The following WDR64 variants were observed in gnomAD, a reference collection of about 807,000 sequenced individuals.
The protein encoded by WDR64 is WD repeat domain 64.
In WDR64, 112 loss-of-function variants were observed where a neutral mutation model predicts 139.3. The ratio of observed to expected loss-of-function variants is 0.80; its 90% CI spans 0.69 to 0.94. WDR64 has a LOEUF of 0.94. WDR64 is among the 40% of genes least tolerant of loss of function. The pLI is 0.00. For missense variants in WDR64, 1,206 were observed against 1,293.1 expected, an observed-to-expected ratio of 0.93 and a Z score of 1.03; for synonymous variants, 444 against 437.7, an observed-to-expected ratio of 1.01 and a Z score of -0.18.
At chr1:241,790,462 C>T in intron 24 of WDR64, 129 bp from the exon 25 acceptor site, 2 of 694,938 alleles carry the variant, frequency 2.9e-6, no homozygotes, top group Middle Eastern at 5.2e-4. Context: ...TGTAGAGATA[C>T]TGTCATTGGG....
In WDR64 at chr1:241,678,860, G is replaced by GAAAA. The variant is rs58075238; in HGVS notation, c.514-601_514-598dup. On this transcript the variant is annotated intron_variant, in intron 5 of 27. Coordinates refer to ENST00000437684, the MANE Select transcript of WDR64 (RefSeq NM_001367482.1). ...CTTCTGAACCTCCATTTCTTAAACT[G>GAAAA]AAAAAAAAAAAAAAAAAAAAAAAAA... 6.8e-4 allele frequency among the ~76,000 whole-genome samples: 23 copies of GAAAA among 33,624 alleles called. 5 individuals are homozygous for GAAAA. The highest frequency in any genetic ancestry group is 2.6e-3 in the African/African-American group (21 of 8,132). 22.1% of individuals were successfully genotyped at this position (33,624 alleles called of 152,430 possible).
At chr1:241,711,988 C>T (rs1668189154) in intron 9 of WDR64, 107 bp downstream of exon 9, 1 of 1,031,158 alleles carries the variant, frequency 9.7e-7, no homozygotes, top group Middle Eastern at 2.1e-4. Flanking sequence ...AAATTTGTAT[C>T]AAGTCAAATC....
chr1:241,779,190 CA>C (rs1391429906), intron 21 of WDR64, among the ~76,000 whole-genome samples: 3 of 152,098 alleles, frequency 2.0e-5, no homozygotes, highest in African/African-American at 7.2e-5. Flanking sequence ...TATTTCACTC[CA>C]CTCTTCTTGC....
In WDR64 at chr1:241,787,912, A is replaced by C; in HGVS notation, c.2769A>C (p.Leu923Phe). 1 of 1,612,958 alleles carries C rather than the reference A, an allele frequency of 6.2e-7. No individual in the cohort carries two copies. The highest frequency in any genetic ancestry group is 1.1e-5 in the South Asian group (1 of 90,788). Residue 923 changes from leucine (L) to phenylalanine (F), a missense_variant, in exon 24 of 28, where the codon TTA (leucine) becomes TTC (phenylalanine). Coordinates refer to ENST00000437684, the MANE Select transcript of WDR64 (RefSeq NM_001367482.1). The stretch of plus-strand genomic sequence containing the variant: ...TTGGACAGCGAAGGCTCTTTGAATT[A>C]TCACAGACAAGAGATTTCATTTTGC... ...GYFGQRRLFE[L>F]SQTRDFILPC...
At position 241,656,112 on chromosome 1, in the gene WDR64, T is replaced by A. The variant is rs1665585801; in HGVS notation, c.145+3483T>A. On this transcript the variant is annotated intron_variant, in intron 1 of 27. Coordinates refer to ENST00000437684, the MANE Select transcript of WDR64 (RefSeq NM_001367482.1). This position sits in a 1 kb window ranked among gnomAD's most constrained non-coding sequence, Gnocchi z 4.3. ...TCAAGATTTGATGAAAACTGCATAC[T>A]GCTAGACAAGTTACCTTCTATCACG... Among the ~76,000 whole-genome samples, 3 of 152,228 alleles carry A rather than the reference T, an allele frequency of 2.0e-5. No homozygotes were observed. In the South Asian group the frequency reaches 6.2e-4, roughly 31 times the overall value.
At position 241,802,126 on chromosome 1, in the gene WDR64, A is replaced by G. The variant is rs1659543504; in HGVS notation, c.*911A>G. The G allele has an allele frequency of 2.5e-6, 1 of 398,076 alleles. No individual in the cohort carries two copies. Among genetic ancestry groups the G allele is most frequent in the East Asian group, 3.6e-5 (1 of 27,950 alleles). The allele number at this position is 398,076 out of a possible 1,614,324, so 24.7% of individuals were successfully genotyped here. Reference sequence around the variant, plus strand: ...AAAGTTTTATAAAGTTATTAATAATAACTCAAAAAAGGAAAAAGCCTAGTT... The same window carrying G: ...AAAGTTTTATAAAGTTATTAATAATGACTCAAAAAAGGAAAAAGCCTAGTT... On this transcript the variant is annotated 3_prime_UTR_variant, in exon 28 of 28. Coordinates refer to ENST00000437684, the MANE Select transcript of WDR64 (RefSeq NM_001367482.1).
At chr1:241,775,531 T>C (rs1420738623) in intron 21 of WDR64, among the ~76,000 whole-genome samples, 2 of 152,220 alleles carry the variant, frequency 1.3e-5, no homozygotes, top group Non-Finnish European at 2.9e-5. Context: ...TGAAAGTGTA[T>C]GTTGCATTAA....
Position 241,723,422 on chromosome 1 carries a change from C to G in WDR64, c.1180C>G (p.Leu394Val). ...TNEKDQHVVS[L>V]SSAKVFRVWD... is the part of the protein sequence containing the mutation. ...TGAAAAAGATCAACATGTCGTCAGC[C>G]TTTCCTCTGCAAAGGTAACAAAAAG... Residue 394 changes from leucine (L) to valine (V), a missense_variant, in exon 10 of 28, where the codon CTT becomes GTT. By Grantham distance (32) the Leu-to-Val change is conservative (BLOSUM62 1). Transcript: ENST00000437684. 6.2e-7 allele frequency: 1 copy of G among 1,613,516 alleles called. No homozygotes were observed. Among genetic ancestry groups the G allele is most frequent in the Non-Finnish European group, 8.5e-7 (1 of 1,179,682 alleles).
At chr1:241,788,501 G>T (rs1659118841) in intron 24 of WDR64, among the ~76,000 whole-genome samples, 1 of 152,194 alleles carries the variant, frequency 6.6e-6, no homozygotes, top group Admixed American at 6.5e-5. Context: ...CAGGGGACCA[G>T]ACCTGCCTGG....
intron 3 of WDR64, among the ~76,000 whole-genome samples, chr1:241,673,340 TA>T (rs200633485): frequency 1.3e-4 from 19 of 151,290 alleles, no homozygotes; most frequent in African/African-American, 3.2e-4. Flanking sequence ...TAATAAAATT[TA>T]AAAAAAAATA....
In WDR64 at chr1:241,796,996, T is replaced by C. The variant is rs372874218; in HGVS notation, c.3192+626T>C. 2.6e-5 allele frequency among the ~76,000 whole-genome samples: 4 copies of C among 152,358 alleles called. No individual in the cohort carries two copies. The East Asian group carries it at 5.8e-4, about 22-fold the overall frequency. ...GATTTGACACGACATAGAGGAGGGCTGTATAACCATCCTTGTGTCTTAATT... is the reference window on the plus strand; with the variant it reads ...GATTTGACACGACATAGAGGAGGGCCGTATAACCATCCTTGTGTCTTAATT... On this transcript the variant is annotated intron_variant, in intron 27 of 27. Coordinates refer to ENST00000437684, the MANE Select transcript of WDR64 (RefSeq NM_001367482.1).
At chr1:241,792,622 G>A (rs1243967239) in intron 25 of WDR64, among the ~76,000 whole-genome samples, 1 of 152,052 alleles carries the variant, frequency 6.6e-6, no homozygotes, top group East Asian at 1.9e-4. Flanking sequence ...AATCAGTGAG[G>A]AAAAAAGAGA....
chr1:241,797,566 C>CA (rs1345270899), intron 27 of WDR64, among the ~76,000 whole-genome samples: 3 of 152,162 alleles, frequency 2.0e-5, no homozygotes. Context: ...CAACAATATT[C>CA]AAAGCTGCTT....
rs1385904209 is a variant in WDR64 at position 241,801,738 on chromosome 1, T to C, written c.*523T>C. On this transcript the variant is annotated 3_prime_UTR_variant, in exon 28 of 28. Coordinates refer to ENST00000437684, the MANE Select transcript of WDR64 (RefSeq NM_001367482.1). The stretch of plus-strand genomic sequence containing the variant: ...CTAAGTTTCTCAAAGTCAGAAATTA[T>C]TTCTATGTAGTCCAGACCTGACTCC... 3 of 398,434 alleles carry C rather than the reference T, an allele frequency of 7.5e-6. No individual in the cohort carries two copies. The highest frequency in any genetic ancestry group is 2.1e-5 in the African/African-American group (1 of 48,624). The allele number at this position is 398,434 out of a possible 1,614,324, so 24.7% of individuals were successfully genotyped here.
At chr1:241,760,532 C>A (rs1049858259) in intron 15 of WDR64, among the ~76,000 whole-genome samples, 18 of 150,722 alleles carry the variant, frequency 1.2e-4, no homozygotes, top group Admixed American at 6.6e-4. Flanking sequence ...GGACTAATAT[C>A]CATAATATAT....
intron 12 of WDR64, among the ~76,000 whole-genome samples, chr1:241,741,972 G>A (rs934704551): frequency 2.0e-5 from 3 of 152,110 alleles, no homozygotes; most frequent in African/African-American, 7.2e-5. Flanking sequence ...TTTTTTAAAG[G>A]AGTACGGGAA....
At chr1:241,696,125 A>AAAAAAAAAAAAAAAAAC in intron 8 of WDR64, among the ~76,000 whole-genome samples, 1 of 144,014 alleles carries the variant, frequency 6.9e-6, no homozygotes, top group Non-Finnish European at 1.5e-5. Context: ...AAAAAAAAAA[A>AAAAAAAAAAAAAAAAAC]AAAAAAAAAA....
chr1:241,752,017 G>A (rs763252664), intron 14 of WDR64, among the ~76,000 whole-genome samples: 2 of 152,166 alleles, frequency 1.3e-5, no homozygotes, highest in Non-Finnish European at 2.9e-5. Context: ...CCAGGAAGAT[G>A]ATTAATTGAC....
At chr1:241,728,968 T>C (rs527888248) in intron 10 of WDR64, among the ~76,000 whole-genome samples, 44 of 152,328 alleles carry the variant, frequency 2.9e-4, no homozygotes, top group African/African-American at 1.0e-3. Context: ...TTTGACTAGA[T>C]TGTGAGTGTG....
Sources: gnomAD v4.1 joint callset for allele counts (sites outside exome capture counted in the v4.1 genomes callset) on GRCh38, gnomAD v4.1.1 for gene constraint, Gnocchi (gnomAD v3.1) non-coding constraint, MANE v1.5 for transcripts, NCBI Gene and HGNC (gene_info 2026-07-23, HGNC 2026-07-21) for gene names.